IKBKB: variants seen among roughly 807,000 people sequenced by gnomAD.
The protein encoded by IKBKB is inhibitor of nuclear factor kappa-B kinase subunit beta.
IKBKB carries 42 observed loss-of-function variants against 113.6 expected under a neutral mutation model. The ratio of observed to expected loss-of-function variants is 0.37; its 90% CI spans 0.29 to 0.48. The LOEUF (loss-of-function observed/expected upper bound fraction) is 0.48, where lower values mean the gene tolerates loss of function less well. Among genes scored for constraint, IKBKB ranks in the 20% least tolerant of loss-of-function variants. The pLI, the probability that IKBKB is intolerant of heterozygous loss-of-function variation, is 0.99. For missense variants in IKBKB, 673 were observed against 939.7 expected, an observed-to-expected ratio of 0.72 and a Z score of 3.71; for synonymous variants, 296 against 361.3, an observed-to-expected ratio of 0.82 and a Z score of 2.05.
At chr8:42,274,660 G>A (rs1044261842) in intron 2 of IKBKB, among the ~76,000 whole-genome samples, 1 of 151,342 alleles carries the variant, frequency 6.6e-6, no homozygotes, top group African/African-American at 2.4e-5. Context: ...AGCCTCCCGA[G>A]TTGCTGAGAT....
At chr8:42,274,970 A>G (rs1808764012) in intron 2 of IKBKB, among the ~76,000 whole-genome samples, 1 of 151,758 alleles carries the variant, frequency 6.6e-6, no homozygotes, top group African/African-American at 2.4e-5. Flanking sequence ...GGTGTCTCCC[A>G]GGTTCAAGCG....
chr8:42,328,508 C>T (rs16891227), intron 20 of IKBKB, among the ~76,000 whole-genome samples: 4,871 of 152,180 alleles, frequency 0.032, 249 homozygotes, highest in African/African-American at 0.11. Context: ...GTGATGTCCT[C>T]AAAGGTCTAG....
At chr8:42,290,585 A>C (rs1397380559) in intron 4 of IKBKB, among the ~76,000 whole-genome samples, 1 of 152,200 alleles carries the variant, frequency 6.6e-6, no homozygotes. Context: ...GCAAGTTCCA[A>C]AACAAATGCT....
At chr8:42,274,221 G>C (rs959890211) in intron 2 of IKBKB, among the ~76,000 whole-genome samples, 2 of 151,920 alleles carry the variant, frequency 1.3e-5, no homozygotes, top group African/African-American at 4.8e-5. Flanking sequence ...GTAGAAATGG[G>C]GTTTCACCAT....
chr8:42,286,891 G>A (rs1460159275), intron 2 of IKBKB, among the ~76,000 whole-genome samples: 1 of 152,194 alleles, frequency 6.6e-6, no homozygotes, highest in African/African-American at 2.4e-5. Flanking sequence ...CACCCTGCAG[G>A]TGTGGCTCTT....
intron 8 of IKBKB, among the ~76,000 whole-genome samples, chr8:42,312,705 G>A (rs1175125948): frequency 6.6e-6 from 1 of 152,186 alleles, no homozygotes; most frequent in Non-Finnish European, 1.5e-5. Context: ...AAGTCTTGGA[G>A]CCCCCGACTT....
chr8:42,330,778 G>A, intron 21 of IKBKB, 136 bp from the exon 22 acceptor site: 2 of 1,499,052 alleles, frequency 1.3e-6, no homozygotes, highest in Non-Finnish European at 1.8e-6. Flanking sequence ...AAAGTGTTGG[G>A]ATTATAGGCA....
chr8:42,305,289 T>C lies in IKBKB; in HGVS notation c.477+14T>C. 6.3e-7 allele frequency: 1 copy of C among 1,576,574 alleles called. No individual in the cohort carries two copies. The highest frequency in any genetic ancestry group is 8.7e-7 in the Non-Finnish European group (1 of 1,146,218). Reference sequence around the variant, plus strand: ...GGAGAACAGAGGGTAAGTGACCTCCTGGGACTGGGAAAGCCTCAGGTGGGC... The same window carrying C: ...GGAGAACAGAGGGTAAGTGACCTCCCGGGACTGGGAAAGCCTCAGGTGGGC... On this transcript the variant is annotated intron_variant, in intron 6 of 21. Coordinates refer to ENST00000520810, the MANE Select transcript of IKBKB (RefSeq NM_001556.3).
Position 42,271,438 on chromosome 8 carries a change from G to T in IKBKB, c.-50G>T, listed in dbSNP as rs1357485492. 4.3e-6 allele frequency: 6 copies of T among 1,408,958 alleles called. No homozygotes were observed. The highest frequency in any genetic ancestry group is 1.2e-5 in the South Asian group (1 of 81,236). 87.3% of individuals were successfully genotyped at this position (1,408,958 alleles called of 1,614,324 possible). A position where few individuals can be genotyped will look rare whatever the true frequency, so the allele number is the denominator to read the frequency against. On this transcript the variant is annotated 5_prime_UTR_variant, in exon 1 of 22. Transcript: ENST00000520810. ...AGCCCCGCCTTCCCCGCCCCGGGGA[G>T]CCCGCCCCCTGCCCCGCGTCCCTGC...
intron 2 of IKBKB, among the ~76,000 whole-genome samples, chr8:42,284,126 A>G (rs1298880470): frequency 6.6e-6 from 1 of 152,136 alleles, no homozygotes; most frequent in Non-Finnish European, 1.5e-5. Flanking sequence ...GTAATTTATA[A>G]TGATTTTATT....
chr8:42,295,201 C>T (rs1032635160), intron 5 of IKBKB, among the ~76,000 whole-genome samples: 2 of 144,450 alleles, frequency 1.4e-5, no homozygotes, highest in Non-Finnish European at 3.0e-5. Context: ...TCACTGCAAC[C>T]TCTGCCTCCT....
chr8:42,329,472 G>A (rs760193950), intron 21 of IKBKB: 118 of 811,972 alleles, frequency 1.5e-4, no homozygotes, highest in African/African-American at 9.7e-4. Flanking sequence ...ACAGGCGTGC[G>A]TCACCACATT....
rs1179763168 is a variant in IKBKB at position 42,271,319 on chromosome 8, A to C, written c.-169A>C. On this transcript the variant is annotated 5_prime_UTR_variant, in exon 1 of 22. Coordinates refer to ENST00000520810, the MANE Select transcript of IKBKB (RefSeq NM_001556.3). ...CGTGCTCCGTGACGTCAGAGCAGGAAGTGTTTGAGGAAGTCGCGCCGCGCT... is the reference window on the plus strand; with the variant it reads ...CGTGCTCCGTGACGTCAGAGCAGGACGTGTTTGAGGAAGTCGCGCCGCGCT... 1.1e-5 allele frequency: 11 copies of C among 972,424 alleles called. No homozygotes were observed. Among genetic ancestry groups the C allele is most frequent in the Non-Finnish European group, 1.6e-5 (10 of 633,416 alleles). The allele number at this position is 972,424 out of a possible 1,614,324, so 60.2% of individuals were successfully genotyped here.
At chr8:42,306,479 C>A in intron 7 of IKBKB, 47 bp downstream of exon 7, 1 of 1,276,282 alleles carries the variant, frequency 7.8e-7, no homozygotes, top group Non-Finnish European at 1.1e-6. Flanking sequence ...CTCCCTGCTG[C>A]TGCATTTGTG....
chr8:42,280,714 G>A (rs1291803505), intron 2 of IKBKB, among the ~76,000 whole-genome samples: 1 of 152,186 alleles, frequency 6.6e-6, no homozygotes, highest in Non-Finnish European at 1.5e-5. Flanking sequence ...CTGTGAGGAG[G>A]GCCAGGAAGC....
chr8:42,272,056 T>C, intron 1 of IKBKB, 27 bp from the exon 2 acceptor site: 2 of 1,594,988 alleles, frequency 1.3e-6, no homozygotes, highest in Non-Finnish European at 1.7e-6. Context: ...ATCCTAACCT[T>C]TTTTCCCCAT....
intron 7 of IKBKB, 105 bp downstream of exon 7, chr8:42,306,537 C>T (rs1816562439): frequency 1.3e-6 from 1 of 768,880 alleles, no homozygotes; most frequent in Non-Finnish European, 2.3e-6. Flanking sequence ...CACCGGCTCT[C>T]TGAATGTTTT....
At chr8:42,276,938 G>GTCAC (rs1242057162) in intron 2 of IKBKB, among the ~76,000 whole-genome samples, 3 of 146,766 alleles carry the variant, frequency 2.0e-5, no homozygotes, top group Non-Finnish European at 3.0e-5. Context: ...GTGATCTCGG[G>GTCAC]TCACTGCAAG....
At chr8:42,297,511 G>A (rs112141582) in intron 5 of IKBKB, among the ~76,000 whole-genome samples, 4,494 of 152,218 alleles carry the variant, frequency 0.03, 83 homozygotes, top group Non-Finnish European at 0.042. Flanking sequence ...AGAGACACCC[G>A]CTCAGAACAG....
Sources: allele counts gnomAD v4.1 joint callset (sites outside exome capture counted in the v4.1 genomes callset), GRCh38; gene constraint gnomAD v4.1.1; transcripts MANE v1.5; gene names NCBI Gene and HGNC (gene_info 2026-07-23, HGNC 2026-07-21).